Variants in LRRC28 observed in about 807,000 individuals in gnomAD.
LRRC28 encodes the protein leucine-rich repeat-containing protein 28.
Under a neutral mutation model 45.7 loss-of-function variants are expected in LRRC28, and 39 were observed. The observed-to-expected ratio is 0.85, with a 90% confidence interval of 0.66 to 1.12. The LOEUF (loss-of-function observed/expected upper bound fraction) is 1.12. Among genes scored for constraint, LRRC28 ranks in the 50% most tolerant of loss-of-function variants. LRRC28 has a pLI of 0.00. For synonymous variants in LRRC28, 206 were observed against 178.8 expected (o/e 1.15, Z -1.22); for missense variants, 435 against 438.5 (o/e 0.99, Z 0.07).
intron 9 of LRRC28, 112 bp downstream of exon 9, chr15:99,363,377 C>A: frequency 1.8e-6 from 2 of 1,099,286 alleles, no homozygotes; most frequent in Non-Finnish European, 2.6e-6. Context: ...AGGGGCATAA[C>A]ATGCTTCCTG....
At chr15:99,322,782 T>C (rs1955843430) in intron 5 of LRRC28, among the ~76,000 whole-genome samples, 1 of 152,094 alleles carries the variant, frequency 6.6e-6, no homozygotes, top group African/African-American at 2.4e-5. Flanking sequence ...AGCTAAGGCA[T>C]GTTGTTGCAA....
At chr15:99,365,834 A>G (rs975241319) in intron 9 of LRRC28, among the ~76,000 whole-genome samples, 4 of 152,240 alleles carry the variant, frequency 2.6e-5, no homozygotes, top group Non-Finnish European at 5.9e-5. Context: ...TATTTTGCAT[A>G]AACAGTAAAT....
In LRRC28 at chr15:99,281,028, G is replaced by T. The variant is rs144886559; in HGVS notation, c.209+4412G>T. ...CAGTGAAGTTTTCTCTTTGGTTACT[G>T]TATTTTTTTTTTTTTAAGGGACAGG... On this transcript the variant is annotated intron_variant, in intron 3 of 9. Transcript: ENST00000301981. 6.4e-3 allele frequency among the ~76,000 whole-genome samples: 961 copies of T among 149,292 alleles called. 14 individuals carry two copies. Among genetic ancestry groups the T allele is most frequent in the African/African-American group, 0.022 (901 of 40,266 alleles).
At chr15:99,327,007 A>C (rs1956002788) in intron 5 of LRRC28, among the ~76,000 whole-genome samples, 1 of 152,196 alleles carries the variant, frequency 6.6e-6, no homozygotes, top group South Asian at 2.1e-4. Flanking sequence ...TAGAATAGAA[A>C]AGCCATCTGG....
At chr15:99,358,845 A>G (rs971146201) in intron 7 of LRRC28, among the ~76,000 whole-genome samples, 3 of 152,182 alleles carry the variant, frequency 2.0e-5, no homozygotes, top group African/African-American at 4.8e-5. Flanking sequence ...TGGGAAGCCG[A>G]GGCGGGCCAA....
At chr15:99,381,895 T>G (rs1453886459) in intron 9 of LRRC28, among the ~76,000 whole-genome samples, 2 of 152,224 alleles carry the variant, frequency 1.3e-5, no homozygotes, top group Non-Finnish European at 2.9e-5. Context: ...TCTGGAAGCT[T>G]CATCTCAGAG....
intron 5 of LRRC28, among the ~76,000 whole-genome samples, chr15:99,314,512 C>T (rs1955526800): frequency 6.6e-6 from 1 of 151,992 alleles, no homozygotes; most frequent in African/African-American, 2.4e-5. Context: ...CTGCGGAATC[C>T]ATATTTTGTC....
chr15:99,321,967 G>A lies in LRRC28; in HGVS notation c.386-11956G>A, dbSNP rs12910428. Among the ~76,000 whole-genome samples, 1,284 of 152,312 alleles carry A rather than the reference G, an allele frequency of 8.4e-3. 11 individuals are homozygous for A. The highest frequency in any genetic ancestry group is 0.012 in the Non-Finnish European group (789 of 68,020). On this transcript the variant is annotated intron_variant, in intron 5 of 9. Transcript: ENST00000301981. The stretch of plus-strand genomic sequence containing the variant: ...TTGAGAAATAGGGAATCTGCTTGAA[G>A]TCAGGGAAGGCCTTTGTGAAAATGT...
chr15:99,323,623 T>C (rs1170556335), intron 5 of LRRC28, among the ~76,000 whole-genome samples: 1 of 152,230 alleles, frequency 6.6e-6, no homozygotes, highest in African/African-American at 2.4e-5. Context: ...CCCTTTTCTC[T>C]GTGTTAGAGT....
Position 99,256,107 on chromosome 15 carries a change from G to A in LRRC28, c.150G>A (p.Arg50=), listed in dbSNP as rs532862515. ...ACTTGGAGAGACTCTATATGAAAAGGAACTCCCTGACATCCTTGGTACAGT... is the reference window on the plus strand; with the variant it reads ...ACTTGGAGAGACTCTATATGAAAAGAAACTCCCTGACATCCTTGGTACAGT... ...LQYLERLYMK[R]NSLTSLPENL... is the part of the protein sequence containing the mutation. Residue 50 remains arginine, a synonymous_variant, in exon 2 of 10, where the codon AGG becomes AGA. Coordinates refer to ENST00000301981, the MANE Select transcript of LRRC28 (RefSeq NM_144598.5). 8 of 1,610,368 alleles carry A rather than the reference G, an allele frequency of 5.0e-6. No individual in the cohort carries two copies. In the South Asian group the frequency reaches 7.7e-5, roughly 16 times the overall value.
chr15:99,330,557 T>C (rs1044764042), intron 5 of LRRC28, among the ~76,000 whole-genome samples: 5 of 152,198 alleles, frequency 3.3e-5, no homozygotes, highest in African/African-American at 7.2e-5. Context: ...CTCTCTCTTA[T>C]GTTACTTTTT....
At chr15:99,316,232 A>T (rs941781131) in intron 5 of LRRC28, among the ~76,000 whole-genome samples, 1 of 152,222 alleles carries the variant, frequency 6.6e-6, no homozygotes, top group Admixed American at 6.5e-5. Context: ...CATAAAATAT[A>T]ATTTGTTATA....
intron 6 of LRRC28, among the ~76,000 whole-genome samples, chr15:99,339,804 C>T (rs979683299): frequency 2.0e-5 from 3 of 151,862 alleles, no homozygotes; most frequent in Admixed American, 6.6e-5. Context: ...TAAACCACCA[C>T]GTAGTAAGCC....
At chr15:99,364,456 A>C (rs1160860489) in intron 9 of LRRC28, among the ~76,000 whole-genome samples, 1 of 152,178 alleles carries the variant, frequency 6.6e-6, no homozygotes, top group African/African-American at 2.4e-5. Context: ...TGCTTACAGG[A>C]GCCCTCCTCC....
intron 7 of LRRC28, among the ~76,000 whole-genome samples, chr15:99,353,456 C>T (rs1432253733): frequency 6.6e-6 from 1 of 152,096 alleles, no homozygotes; most frequent in Non-Finnish European, 1.5e-5. Flanking sequence ...TTGGGAAAGC[C>T]CAAGATGAGT....
chr15:99,286,422 C>T lies in LRRC28; in HGVS notation c.210-835C>T, dbSNP rs140959362. On this transcript the variant is annotated intron_variant, in intron 3 of 9. Coordinates refer to ENST00000301981, the MANE Select transcript of LRRC28 (RefSeq NM_144598.5). ...CTGGGATTACAGGCGTGAGCCACCG[C>T]GCCCGGCCATAAAGATTTATTTTTA... 9.4e-3 allele frequency among the ~76,000 whole-genome samples: 1,429 copies of T among 152,258 alleles called. 8 individuals carry two copies. Among genetic ancestry groups the T allele is most frequent in the Non-Finnish European group, 0.014 (984 of 68,008 alleles).
chr15:99,253,125 A>ATTT (rs3070451), intron 1 of LRRC28, among the ~76,000 whole-genome samples: 58 of 148,900 alleles, frequency 3.9e-4, no homozygotes, highest in African/African-American at 1.3e-3. Context: ...TAGGGAAGTG[A>ATTT]TTTTTTTTTT....
At chr15:99,339,442 GTGAT>G (rs1244201151) in intron 6 of LRRC28, among the ~76,000 whole-genome samples, 1 of 152,144 alleles carries the variant, frequency 6.6e-6, no homozygotes, top group Non-Finnish European at 1.5e-5. Flanking sequence ...TAAAAAAACA[GTGAT>G]TGGGCTGGGA....
chr15:99,277,640 G>T (rs1023629358), intron 3 of LRRC28, among the ~76,000 whole-genome samples: 1 of 152,116 alleles, frequency 6.6e-6, no homozygotes, highest in Non-Finnish European at 1.5e-5. Flanking sequence ...CTCTTGATTA[G>T]ATTGATTTAA....
Sources: allele counts gnomAD v4.1 joint callset (sites outside exome capture counted in the v4.1 genomes callset), GRCh38; gene constraint gnomAD v4.1.1; transcripts MANE v1.5; gene names NCBI Gene and HGNC (gene_info 2026-07-23, HGNC 2026-07-21).